NMNAT2: variants seen among roughly 807,000 people sequenced by gnomAD.
The protein encoded by NMNAT2 is nicotinamide nucleotide adenylyltransferase 2.
A neutral mutation model predicts 41.6 loss-of-function variants in NMNAT2; 11 were observed. That is an observed-to-expected ratio of 0.26 (90% confidence interval 0.17 to 0.44). The LOEUF is 0.44. Among genes scored for constraint, NMNAT2 ranks in the 20% least tolerant of loss-of-function variants. The pLI, the probability that NMNAT2 is intolerant of heterozygous loss-of-function variation, is 1.00. For synonymous variants in NMNAT2, 148 were observed against 151.2 expected (o/e 0.98, Z 0.16); for missense variants, 288 against 407.7 (o/e 0.71, Z 2.53).
chr1:183,298,600 C>T (rs187607722), intron 1 of NMNAT2, among the ~76,000 whole-genome samples: 22 of 152,284 alleles, frequency 1.4e-4, no homozygotes, highest in Admixed American at 1.3e-3. Context: ...TTCAAGGATG[C>T]CTTCAACCCT....
At chr1:183,252,867 G>T in intron 10 of NMNAT2, 124 bp from the exon 11 acceptor site, 1 of 685,416 alleles carries the variant, frequency 1.5e-6, no homozygotes. Context: ...AAATAGTTCT[G>T]TATTAGGAAA....
rs1557897760 is a variant in NMNAT2, at chr1:183,389,828, GAAA to G, written c.85+28352_85+28354del. Among the ~76,000 whole-genome samples, 105 of 53,028 alleles carry G rather than the reference GAAA, an allele frequency of 2.0e-3. 4 individuals are homozygous for G. Among genetic ancestry groups the G allele is most frequent in the African/African-American group, 3.6e-3 (58 of 16,198 alleles). 34.8% of individuals were successfully genotyped at this position (53,028 alleles called of 152,430 possible). A position where few individuals can be genotyped will look rare whatever the true frequency, so the allele number is the denominator to read the frequency against. On this transcript the variant is annotated intron_variant, in intron 1 of 10. Coordinates refer to ENST00000287713, the MANE Select transcript of NMNAT2 (RefSeq NM_015039.4). ...AGAAAGAAAGAAAGAAAGAAAGAAA[GAAA>G]GAAAGAAAGAAAGGAAAAAAGAGAA...
chr1:183,309,140 T>C (rs1324928907), intron 1 of NMNAT2, among the ~76,000 whole-genome samples: 2 of 152,136 alleles, frequency 1.3e-5, no homozygotes, highest in Admixed American at 1.3e-4. Flanking sequence ...GCAGGGACTA[T>C]AGGTGCATGC....
chr1:183,341,703 G>GAA (rs1662808875), intron 1 of NMNAT2, among the ~76,000 whole-genome samples: 1 of 14,604 alleles, frequency 6.8e-5, no homozygotes, highest in African/African-American at 2.5e-4. Flanking sequence ...AGAGAGAGAG[G>GAA]AAAAGACAAA....
intron 1 of NMNAT2, among the ~76,000 whole-genome samples, chr1:183,388,330 C>T (rs1648321950): frequency 6.6e-6 from 1 of 152,240 alleles, no homozygotes; most frequent in African/African-American, 2.4e-5. Flanking sequence ...AGGGATGTAG[C>T]AAACTGGGGG....
intron 1 of NMNAT2, among the ~76,000 whole-genome samples, chr1:183,353,585 C>T (rs1387152275): frequency 6.6e-6 from 1 of 152,162 alleles, no homozygotes; most frequent in Non-Finnish European, 1.5e-5. Context: ...CCTGAGACCA[C>T]ATCACCATGT....
At position 183,352,361 on chromosome 1, in the gene NMNAT2, C is replaced by T. The variant is rs140880368; in HGVS notation, c.86-58568G>A. Among the ~76,000 whole-genome samples, 516 of 152,018 alleles carry T rather than the reference C, an allele frequency of 3.4e-3. 3 individuals are homozygous for T. The highest frequency in any genetic ancestry group is 5.6e-3 in the Admixed American group (86 of 15,282). On this transcript the variant is annotated intron_variant, in intron 1 of 10. Coordinates refer to ENST00000287713, the MANE Select transcript of NMNAT2 (RefSeq NM_015039.4). ...GGTGGATCACCTGAAGTCAGGAGTT[C>T]GAGACCAGCCTGGCCAACATGGTGA...
intron 7 of NMNAT2, among the ~76,000 whole-genome samples, chr1:183,279,840 C>G (rs1293989769): frequency 1.3e-5 from 2 of 152,230 alleles, no homozygotes; most frequent in African/African-American, 2.4e-5. Flanking sequence ...CTTCTCTCCT[C>G]TCTAACATAC....
At position 183,286,633 on chromosome 1, in the gene NMNAT2, C is replaced by G. The variant is rs200247344; in HGVS notation, c.448+29G>C. 1.2e-4 allele frequency: 185 copies of G among 1,580,956 alleles called. 1 individual carries two copies. In the African/African-American group the frequency reaches 1.9e-3, roughly 17 times the overall value. On this transcript the variant is annotated intron_variant, in intron 5 of 10. Transcript: ENST00000287713. The stretch of plus-strand genomic sequence containing the variant: ...CAAGCCCTCCACATGATTCTGAGGT[C>G]TGAGAATCACACATCAGTGTTCCCC...
intron 1 of NMNAT2, among the ~76,000 whole-genome samples, chr1:183,331,026 T>C (rs1662571973): frequency 6.6e-6 from 1 of 152,122 alleles, no homozygotes; most frequent in Non-Finnish European, 1.5e-5. Flanking sequence ...CCCCTCCCTT[T>C]TTCCCACCCT....
Position 183,418,262 on chromosome 1 carries a change from G to A in NMNAT2, c.6C>T (p.Thr2=). Residue 2 remains threonine, a synonymous_variant, in exon 1 of 11, where the codon ACC becomes ACT. Transcript: ENST00000287713. The stretch of plus-strand genomic sequence containing the variant: ...AGATAACGTGGGTCTTGGTGGTCTC[G>A]GTCATGGTGCAGATGGGTCCTTCGC... M[T]ETTKTHVILL... The A allele has an allele frequency of 1.9e-6, 3 of 1,614,042 alleles. No individual in the cohort carries two copies. The highest frequency in any genetic ancestry group is 1.7e-5 in the Admixed American group (1 of 60,014).
chr1:183,258,493 TTAG>T (rs1390852743), intron 10 of NMNAT2, among the ~76,000 whole-genome samples: 3 of 152,002 alleles, frequency 2.0e-5, no homozygotes, highest in Admixed American at 6.5e-5. Context: ...CAGGAGAAAC[TTAG>T]TTTATAGTTT....
At chr1:183,400,048 G>A (rs1035851502) in intron 1 of NMNAT2, among the ~76,000 whole-genome samples, 1 of 152,148 alleles carries the variant, frequency 6.6e-6, no homozygotes, top group Non-Finnish European at 1.5e-5. Context: ...ACATAGTGTT[G>A]GAAGTTCTGG....
At chr1:183,292,324 G>A (rs1318989428) in intron 3 of NMNAT2, among the ~76,000 whole-genome samples, 1 of 152,230 alleles carries the variant, frequency 6.6e-6, no homozygotes, top group Non-Finnish European at 1.5e-5. Context: ...CTGCCCTTAG[G>A]GGCAGGCCCG....
At chr1:183,280,528 C>G (rs1348747965) in intron 7 of NMNAT2, among the ~76,000 whole-genome samples, 1 of 151,838 alleles carries the variant, frequency 6.6e-6, no homozygotes, top group African/African-American at 2.4e-5. Context: ...GCTGGGATTA[C>G]AGGTGCCTGC....
intron 1 of NMNAT2, among the ~76,000 whole-genome samples, chr1:183,305,389 C>T (rs1220600535): frequency 6.6e-6 from 1 of 152,046 alleles, no homozygotes; most frequent in African/African-American, 2.4e-5. Flanking sequence ...ACCTTGGCTC[C>T]TCATTAGGGT....
intron 1 of NMNAT2, among the ~76,000 whole-genome samples, chr1:183,387,593 A>C (rs1648287774): frequency 5.9e-5 from 9 of 152,220 alleles, no homozygotes; most frequent in Admixed American, 5.9e-4. Flanking sequence ...CTTGGTCTTA[A>C]CCTGGTGCGT....
intron 1 of NMNAT2, among the ~76,000 whole-genome samples, chr1:183,362,355 G>T (rs772635556): frequency 6.6e-6 from 1 of 152,048 alleles, no homozygotes; most frequent in Non-Finnish European, 1.5e-5. Flanking sequence ...CACCACTATC[G>T]AATTCTACAA....
intron 8 of NMNAT2, among the ~76,000 whole-genome samples, chr1:183,267,818 C>A (rs75265971): frequency 1.3e-5 from 2 of 152,010 alleles, no homozygotes; most frequent in South Asian, 2.1e-4. Flanking sequence ...GTGGCCAATG[C>A]GGTAGAACTG....
Sources: allele counts gnomAD v4.1 joint callset (sites outside exome capture counted in the v4.1 genomes callset), GRCh38; gene constraint gnomAD v4.1.1; transcripts MANE v1.5; gene names NCBI Gene and HGNC (gene_info 2026-07-23, HGNC 2026-07-21).